Variants in SMG6 observed in about 807,000 individuals in gnomAD.
SMG6 encodes the protein telomerase-binding protein EST1A.
A neutral mutation model predicts 142.2 loss-of-function variants in SMG6; 66 were observed. That is an observed-to-expected ratio of 0.46 (90% CI 0.38 to 0.57). The LOEUF is 0.57. SMG6 is among the 20% of genes least tolerant of loss of function. SMG6 has a pLI of 0.00. For missense variants in SMG6, 1,793 were observed against 1,832.0 expected (o/e 0.98, Z 0.39); for synonymous variants, 779 against 702.4 (o/e 1.11, Z -1.72).
intron 18 of SMG6, 114 bp from the exon 19 acceptor site, chr17:2,061,736 C>A (rs1197370030): frequency 1.1e-5 from 13 of 1,215,352 alleles, no homozygotes; most frequent in Non-Finnish European, 1.5e-5. Flanking sequence ...CTAGCCGTGT[C>A]TTGGCTCTTC....
intron 8 of SMG6, among the ~76,000 whole-genome samples, chr17:2,282,058 T>G (rs1441540129): frequency 6.6e-6 from 1 of 152,216 alleles, no homozygotes; most frequent in Non-Finnish European, 1.5e-5. Flanking sequence ...TCCACTAGAA[T>G]GCACTGAGAC....
intron 15 of SMG6, among the ~76,000 whole-genome samples, chr17:2,081,535 G>C (rs1233751046): frequency 6.6e-6 from 1 of 152,142 alleles, no homozygotes; most frequent in Non-Finnish European, 1.5e-5. Context: ...TGTATGTGTG[G>C]TGTGCATTTG....
intron 10 of SMG6, among the ~76,000 whole-genome samples, chr17:2,205,626 A>G (rs2072655025): frequency 6.6e-6 from 1 of 152,182 alleles, no homozygotes; most frequent in South Asian, 2.1e-4. Flanking sequence ...GGAAACACCA[A>G]TAACTGTATA....
intron 11 of SMG6, 48 bp from the exon 12 acceptor site, chr17:2,186,879 C>G: frequency 1.3e-6 from 2 of 1,591,328 alleles, no homozygotes; most frequent in Non-Finnish European, 1.7e-6. Flanking sequence ...CTGTAGCCCC[C>G]GAGTGAGGCC....
intron 8 of SMG6, chr17:2,244,928 A>G (rs1015808491): frequency 1.4e-5 from 8 of 576,680 alleles, no homozygotes; most frequent in African/African-American, 9.3e-5. Flanking sequence ...CAACAGGCTC[A>G]GTGAGCAGAC....
chr17:2,100,981 T>C (rs1214588850), intron 13 of SMG6: 2 of 152,188 alleles, frequency 1.3e-5, no homozygotes, highest in Non-Finnish European at 2.9e-5. Flanking sequence ...CAGGTACTTA[T>C]GAACACTGAG....
intron 17 of SMG6, 63 bp from the exon 18 acceptor site, chr17:2,065,217 G>GACCC: frequency 1.2e-5 from 16 of 1,354,220 alleles, no homozygotes; most frequent in Non-Finnish European, 1.5e-5. Context: ...GGAGGAGGAG[G>GACCC]AGGGATCCTC....
chr17:2,132,383 T>C (rs1169112316), intron 13 of SMG6, among the ~76,000 whole-genome samples: 1 of 152,184 alleles, frequency 6.6e-6, no homozygotes. Context: ...AGCAGATGCG[T>C]CACCCTGGCA....
At chr17:2,118,827 G>C (rs1179244682) in intron 13 of SMG6, among the ~76,000 whole-genome samples, 1 of 151,468 alleles carries the variant, frequency 6.6e-6, no homozygotes, top group Non-Finnish European at 1.5e-5. Flanking sequence ...GGACTGAAGG[G>C]ATTCTCCTGC....
rs1447964589 is a variant in SMG6 at position 2,297,864 on chromosome 17, T to C, written c.2039A>G (p.Glu680Gly). 1 of 1,608,968 alleles carries C rather than the reference T, an allele frequency of 6.2e-7. No homozygotes were observed. Among genetic ancestry groups the C allele is most frequent in the South Asian group, 1.1e-5 (1 of 90,840 alleles). ...IRNRLLELLD[E>G]GSDFFDSLLQ... ...GAGGACAAAAAGATGACAGTTTACC[T>C]CATCCAAGAGCTCCAAAAGTCTGTT... Residue 680 changes from glutamate (E) to glycine (G), a missense_variant and splice_region_variant, in exon 3 of 19, where the codon GAG (glutamate) becomes GGG (glycine). Physicochemically the swap from Glu to Gly is moderately conservative, Grantham distance 98. Transcript: ENST00000263073.
chr17:2,088,323 G>A, intron 13 of SMG6: 1 of 985,420 alleles, frequency 1.0e-6, no homozygotes, highest in Non-Finnish European at 1.2e-6. Flanking sequence ...GGGCACAGCA[G>A]GACCCAGGGA....
chr17:2,155,630 T>C (rs921966253), intron 13 of SMG6, among the ~76,000 whole-genome samples: 1 of 152,206 alleles, frequency 6.6e-6, no homozygotes, highest in South Asian at 2.1e-4. Context: ...ATCCCACTCC[T>C]ACCATAGTGT....
chr17:2,152,658 T>C (rs932379782), intron 13 of SMG6, among the ~76,000 whole-genome samples: 1 of 152,184 alleles, frequency 6.6e-6, no homozygotes, highest in Non-Finnish European at 1.5e-5. Flanking sequence ...CCTAGTATAA[T>C]TATTAAAAAA....
chr17:2,110,781 TCTGCACG>T (rs2151492433), intron 13 of SMG6, among the ~76,000 whole-genome samples: 1 of 152,232 alleles, frequency 6.6e-6, no homozygotes, highest in South Asian at 2.1e-4. Context: ...TGTGCTCCAG[TCTGCACG>T]CTGCCCAGAA....
At chr17:2,164,642 T>C (rs2071278596) in intron 13 of SMG6, among the ~76,000 whole-genome samples, 1 of 150,240 alleles carries the variant, frequency 6.7e-6, no homozygotes, top group Non-Finnish European at 1.5e-5. Context: ...AACAAACAAA[T>C]AAAAAAACAA....
In SMG6 at chr17:2,087,024, G is replaced by C. The variant is rs943048908; in HGVS notation, c.3358-1123C>G. 13 of 1,289,898 alleles carry C rather than the reference G, an allele frequency of 1.0e-5. No individual in the cohort carries two copies. In the African/African-American group the frequency reaches 1.8e-4, roughly 18 times the overall value. 79.9% of individuals were successfully genotyped at this position (1,289,898 alleles called of 1,614,324 possible). A position where few individuals can be genotyped will look rare whatever the true frequency, so the allele number is the denominator to read the frequency against. On this transcript the variant is annotated intron_variant, in intron 13 of 18. Transcript: ENST00000263073. ...GCATCCTCGTTTCTTAGTGTGAAAG[G>C]AACTTCACAGTAATAAGCCTTCTAT...
At chr17:2,184,277 C>T (rs2071900572) in intron 12 of SMG6, among the ~76,000 whole-genome samples, 2 of 150,626 alleles carry the variant, frequency 1.3e-5, no homozygotes, top group African/African-American at 4.9e-5. Flanking sequence ...GTGGGAGAAT[C>T]ACTTGAACCC....
At chr17:2,113,912 A>T (rs1227416033) in intron 13 of SMG6, among the ~76,000 whole-genome samples, 2 of 152,252 alleles carry the variant, frequency 1.3e-5, no homozygotes, top group Non-Finnish European at 2.9e-5. Flanking sequence ...GCCTACCTTT[A>T]TCAAATGAAC....
chr17:2,133,844 C>A (rs555985460), intron 13 of SMG6, among the ~76,000 whole-genome samples: 1 of 152,180 alleles, frequency 6.6e-6, no homozygotes, highest in East Asian at 1.9e-4. Flanking sequence ...TGGGGCATAC[C>A]CTTTCTGTTT....
Sources: gnomAD v4.1 joint callset for allele counts (sites outside exome capture counted in the v4.1 genomes callset) on GRCh38, gnomAD v4.1.1 for gene constraint, MANE v1.5 for transcripts, NCBI Gene and HGNC (gene_info 2026-07-23, HGNC 2026-07-21) for gene names.